The following SLC6A2 variants were observed in gnomAD, a reference collection of about 807,000 sequenced individuals.
The protein encoded by SLC6A2 is sodium-dependent noradrenaline transporter.
Under a neutral mutation model 71.7 loss-of-function variants are expected in SLC6A2, and 26 were observed. The ratio of observed to expected loss-of-function variants is 0.36; its 90% confidence interval spans 0.27 to 0.50. SLC6A2 has a LOEUF of 0.50. SLC6A2 is among the 20% of genes least tolerant of loss of function. The probability of loss-of-function intolerance (pLI) is 0.96; values close to 1 mark genes in which losing one functional copy is unlikely to be tolerated. For missense variants in SLC6A2, 581 were observed against 803.9 expected (o/e 0.72, Z 3.35); for synonymous variants, 363 against 337.9 (o/e 1.07, Z -0.82).
chr16:55,683,139 C>A (rs1200482712), intron 4 of SLC6A2, among the ~76,000 whole-genome samples: 1 of 152,182 alleles, frequency 6.6e-6, no homozygotes, highest in East Asian at 1.9e-4. Flanking sequence ...CTGGGACTTG[C>A]TGTACTGTTT....
chr16:55,661,670 A>G (rs545892176), intron 2 of SLC6A2, among the ~76,000 whole-genome samples: 9 of 152,332 alleles, frequency 5.9e-5, no homozygotes, highest in African/African-American at 2.2e-4. Flanking sequence ...CAAGCATGAT[A>G]GACTCAGGAA....
intron 4 of SLC6A2, among the ~76,000 whole-genome samples, chr16:55,683,034 G>T (rs182812973): frequency 2.0e-5 from 3 of 152,190 alleles, no homozygotes; most frequent in Non-Finnish European, 4.4e-5. Context: ...ACAAATGAAC[G>T]ATTAGGGTGC....
chr16:55,656,660 CA>C lies in SLC6A2; in HGVS notation c.-34del. On this transcript the variant is annotated 5_prime_UTR_variant, in exon 2 of 15. Transcript: ENST00000568943. The surrounding 1 kb of genome is among the most constrained non-coding windows in gnomAD (Gnocchi z 4.5). ...TCCAAGCAGAGCCTCGGCGTGCCCC[CA>C]GGACCGGTAAAGTTCCTCTCGCCAG... 1 of 1,610,838 alleles carries C rather than the reference CA, an allele frequency of 6.2e-7. No homozygotes were observed. Among genetic ancestry groups the C allele is most frequent in the East Asian group, 2.2e-5 (1 of 44,836 alleles).
Position 55,697,276 on chromosome 16 carries a change from A to G in SLC6A2, c.1261-621A>G, listed in dbSNP as rs150445367. Among the ~76,000 whole-genome samples, 1,497 of 152,298 alleles carry G rather than the reference A, an allele frequency of 9.8e-3. 25 individuals are homozygous for G. The highest frequency in any genetic ancestry group is 0.034 in the African/African-American group (1,426 of 41,568). On this transcript the variant is annotated intron_variant, in intron 9 of 14. Transcript: ENST00000568943. ...TAATGAAGAATACTGATTTTGATTA[A>G]CAGTGTCTGCCAAGAGGAGGGGAGA...
rs779214226 is a variant in SLC6A2 at position 55,696,305 on chromosome 16, G to A, written c.1228G>A (p.Val410Ile). ...TACATTCTGGGCTGTTGTGTTTTTC[G>A]TCATGCTCCTGGCGCTGGGCCTTGA... ...GSTFWAVVFF[V>I]MLLALGLDSS... Residue 410 changes from valine to isoleucine, a missense_variant, in exon 9 of 15, where the codon GTC (valine) becomes ATC (isoleucine). Transcript: ENST00000568943. 6.4e-5 allele frequency: 103 copies of A among 1,613,040 alleles called. No homozygotes were observed. Among genetic ancestry groups the A allele is most frequent in the Admixed American group, 8.3e-5 (5 of 60,000 alleles).
intron 5 of SLC6A2, among the ~76,000 whole-genome samples, chr16:55,690,518 G>T (rs1417342135): frequency 3.3e-5 from 5 of 152,106 alleles, no homozygotes; most frequent in Non-Finnish European, 7.3e-5. Context: ...GGGATTTGAG[G>T]GGTGGAACCA....
intron 2 of SLC6A2, among the ~76,000 whole-genome samples, chr16:55,657,309 G>A (rs77339125): frequency 0.039 from 5,957 of 152,172 alleles, 310 homozygotes; most frequent in African/African-American, 0.11. Context: ...TGCCAGGTTG[G>A]GTGGGGGAGC....
chr16:55,697,641 A>C (rs1965839337), intron 9 of SLC6A2, among the ~76,000 whole-genome samples: 1 of 152,200 alleles, frequency 6.6e-6, no homozygotes, highest in Non-Finnish European at 1.5e-5. Context: ...GGAGACAGGT[A>C]GCTGTTGCGT....
rs756538705 is a variant in SLC6A2 at position 55,699,604 on chromosome 16, G to T, written c.1540G>T (p.Gly514Cys). The change falls in exon 12 of 15, where the codon GGT becomes TGT. Residue 514 changes from glycine to cysteine, a missense_variant. This residue lies in a region of SLC6A2 where 334 missense variants were observed against 449.0 expected (regional missense o/e 0.74). Transcript: ENST00000568943. ...CCAGCAGATGATGGGGTTCAGGCCG[G>T]GTCTATACTGGAGACTGTGCTGGAA... is the stretch of plus-strand genomic sequence containing the variant. ...DIQQMMGFRP[G>C]LYWRLCWKFV... 7 of 1,614,028 alleles carry T rather than the reference G, an allele frequency of 4.3e-6. No homozygotes were observed. In the South Asian group the frequency reaches 7.7e-5, roughly 18 times the overall value.
intron 4 of SLC6A2, among the ~76,000 whole-genome samples, 193 bp downstream of exon 4, chr16:55,672,368 G>A (rs1232029826): frequency 6.6e-6 from 1 of 152,180 alleles, no homozygotes; most frequent in Non-Finnish European, 1.5e-5. Context: ...AGAAGCTTGC[G>A]TTCTGGGGCA....
chr16:55,684,992 G>C (rs976459085), intron 4 of SLC6A2, 151 bp from the exon 5 acceptor site: 3 of 744,424 alleles, frequency 4.0e-6, no homozygotes, highest in Non-Finnish European at 6.9e-6. Context: ...CCCATGTGGT[G>C]CATGGCAGTG....
intron 2 of SLC6A2, among the ~76,000 whole-genome samples, chr16:55,663,324 C>T (rs1868580680): frequency 2.0e-5 from 3 of 152,078 alleles, no homozygotes; most frequent in Admixed American, 2.0e-4. Context: ...GATTAATGTC[C>T]TTTGGAGAGG....
At chr16:55,680,192 G>A (rs1965225956) in intron 4 of SLC6A2, among the ~76,000 whole-genome samples, 1 of 152,196 alleles carries the variant, frequency 6.6e-6, no homozygotes, top group Admixed American at 6.5e-5. Flanking sequence ...GTTCTGCAGT[G>A]GCACAGACAG....
At position 55,695,633 on chromosome 16, in the gene SLC6A2, G is replaced by A. The variant is rs568277163; in HGVS notation, c.1147+231G>A. On this transcript the variant is annotated intron_variant, in intron 8 of 14. Transcript: ENST00000568943. ...TCCTCTGAGTCAGGGTGGAAGGAAC[G>A]GATTTTGGACTGTCCTCTCTGTACC... 5.9e-5 allele frequency among the ~76,000 whole-genome samples: 9 copies of A among 152,308 alleles called. No homozygotes were observed. The South Asian group carries it at 6.2e-4, about 11-fold the overall frequency.
chr16:55,700,259 A>T lies in SLC6A2; in HGVS notation c.1711A>T (p.Ile571Phe). ...CCTGTCCTCCATGGTCCTGGTGCCC[A>T]TCTACGTCATCTATAAGTTCCTCAG... The part of the protein sequence containing the change: ...IALSSMVLVP[I>F]YVIYKFLSTQ... The change falls in exon 13 of 15, where the codon ATC becomes TTC. Residue 571 changes from isoleucine (I) to phenylalanine (F), a missense_variant. Ile to Phe is a conservative substitution (Grantham distance 21). Transcript: ENST00000568943. The T allele has an allele frequency of 2.5e-6, 4 of 1,614,014 alleles. No homozygotes were observed. The highest frequency in any genetic ancestry group is 1.3e-5 in the African/African-American group (1 of 74,970).
intron 2 of SLC6A2, among the ~76,000 whole-genome samples, chr16:55,658,823 T>C (rs2142480663): frequency 1.3e-5 from 2 of 152,168 alleles, no homozygotes; most frequent in Non-Finnish European, 1.5e-5. Context: ...CCTGGGATGG[T>C]CATGGGCAGA....
chr16:55,687,024 C>G (rs1965473423), intron 5 of SLC6A2, among the ~76,000 whole-genome samples: 1 of 152,152 alleles, frequency 6.6e-6, no homozygotes, highest in South Asian at 2.1e-4. Context: ...AAGAATAAGA[C>G]AGGTTCCTTC....
intron 2 of SLC6A2, among the ~76,000 whole-genome samples, chr16:55,659,520 G>T (rs553483335): frequency 1.3e-5 from 2 of 152,252 alleles, no homozygotes; most frequent in African/African-American, 2.4e-5. Context: ...TTGTTTGGTG[G>T]TTTGTCTCTT....
chr16:55,704,827 A>G lies in SLC6A2; in HGVS notation c.*2481A>G, dbSNP rs1597023715. The G allele has an allele frequency of 6.0e-6, 1 of 166,076 alleles. No homozygotes were observed. Among genetic ancestry groups the G allele is most frequent in the Non-Finnish European group, 1.3e-5 (1 of 77,468 alleles). The allele number at this position is 166,076 out of a possible 1,614,324, so 10.3% of individuals were successfully genotyped here. On this transcript the variant is annotated 3_prime_UTR_variant, in exon 15 of 15. Transcript: ENST00000568943. ...ACGCAGTGGTGCTGCCTTGCGGCGG[A>G]AGTTGGCTCCTGAATCTGGGATGGG...
Sources: gnomAD v4.1 joint callset for allele counts (sites outside exome capture counted in the v4.1 genomes callset) on GRCh38, gnomAD v4.1.1 for gene constraint, gnomAD v4.1.1 regional missense constraint, Gnocchi (gnomAD v3.1) non-coding constraint, MANE v1.5 for transcripts, NCBI Gene and HGNC (gene_info 2026-07-23, HGNC 2026-07-21) for gene names.